Variants in SLC9A3 observed in about 807,000 individuals in gnomAD.
SLC9A3 encodes the protein sodium/hydrogen exchanger 3.
Under a neutral mutation model 86.8 loss-of-function variants are expected in SLC9A3, and 37 were observed. The ratio of observed to expected loss-of-function variants is 0.43; its 90% confidence interval spans 0.33 to 0.56. The LOEUF (loss-of-function observed/expected upper bound fraction) is 0.56. Among genes scored for constraint, SLC9A3 ranks in the 20% least tolerant of loss-of-function variants. The probability of loss-of-function intolerance (pLI) is 0.06; values close to 1 mark genes in which losing one functional copy is unlikely to be tolerated. For synonymous variants in SLC9A3, 581 were observed against 528.3 expected (o/e 1.10, Z -1.37); for missense variants, 1,011 against 1,171.9 (o/e 0.86, Z 2.00).
At chr5:477,608 C>G (rs1738835740) in intron 10 of SLC9A3, 164 bp from the exon 11 acceptor site, 1 of 551,802 alleles carries the variant, frequency 1.8e-6, no homozygotes, top group African/African-American at 1.9e-5. Flanking sequence ...GGTGGAAATG[C>G]CAAAACCAGG....
rs1433709499 is a variant in SLC9A3, at chr5:497,788, C to T, written c.212-5717G>A. On this transcript the variant is annotated intron_variant, in intron 1 of 16. Coordinates refer to ENST00000264938, the MANE Select transcript of SLC9A3 (RefSeq NM_004174.4). The surrounding 1 kb of genome is among the most constrained non-coding windows in gnomAD (Gnocchi z 5.4). ...TGGGGTCGCCCGGCCGCATCCCCAG[C>T]CTCTGCCCCTGTCCCGGGTGGGGTC... Among the ~76,000 whole-genome samples the T allele has an allele frequency of 0.018, 924 of 51,330 alleles. No individual in the cohort carries two copies. Among genetic ancestry groups the T allele is most frequent in the South Asian group, 0.034 (25 of 730 alleles). The allele number at this position is 51,330 out of a possible 152,430, so 33.7% of individuals were successfully genotyped here.
In SLC9A3 at chr5:491,752, C is replaced by T; in HGVS notation, c.514+17G>A. On this transcript the variant is annotated intron_variant, in intron 2 of 16. Coordinates refer to ENST00000264938, the MANE Select transcript of SLC9A3 (RefSeq NM_004174.4). This position sits in a 1 kb window ranked among gnomAD's most constrained non-coding sequence, Gnocchi z 9.2. Reference sequence around the variant, plus strand: ...CCCACCCTGATCCCGGCCGGGGCAACAGTGGCGCAGACTCACCCATGAGCC... The same window carrying T: ...CCCACCCTGATCCCGGCCGGGGCAATAGTGGCGCAGACTCACCCATGAGCC... 1 of 1,503,394 alleles carries T rather than the reference C, an allele frequency of 6.7e-7. No homozygotes were observed. The allele number at this position is 1,503,394 out of a possible 1,614,324, so 93.1% of individuals were successfully genotyped here.
chr5:485,249 A>G lies in SLC9A3; in HGVS notation c.676-18T>C. ...TACAGAACCTGCAGGGAAAACGGGC[A>G]GGGCGTTGGGTGGTCCTTGGTTAGT... On this transcript the variant is annotated intron_variant, in intron 3 of 16. Transcript: ENST00000264938. 1 of 1,606,912 alleles carries G rather than the reference A, an allele frequency of 6.2e-7. No homozygotes were observed. Among genetic ancestry groups the G allele is most frequent in the Non-Finnish European group, 8.5e-7 (1 of 1,177,166 alleles).
At position 481,625 on chromosome 5, in the gene SLC9A3, T is replaced by C. The variant is rs773714549; in HGVS notation, c.1457A>G (p.His486Arg). The C allele has an allele frequency of 6.2e-7, 1 of 1,613,954 alleles. No homozygotes were observed. Among genetic ancestry groups the C allele is most frequent in the South Asian group, 1.1e-5 (1 of 91,082 alleles). ...NEKLHGRAFD[H>R]ILSAIEDISG... ...TATGTCCTCGATGGCCGAGAGGATG[T>C]GGTCGAAAGCCTTTCAAGGGAAGAA... Residue 486 changes from histidine to arginine, a missense_variant, in exon 9 of 17, where the codon CAC becomes CGC. By Grantham distance (29) the His-to-Arg change is conservative (BLOSUM62 0). Around this residue, in one of 3 missense-constraint regions of SLC9A3, gnomAD observed 565 missense variants for 790.0 expected, o/e 0.72. Transcript: ENST00000264938.
intron 1 of SLC9A3, among the ~76,000 whole-genome samples, chr5:515,407 G>T (rs1371090796): frequency 6.6e-6 from 1 of 152,072 alleles, no homozygotes; most frequent in African/African-American, 2.4e-5. Flanking sequence ...ACGGCCCCAG[G>T]CTCCATCTCA....
In SLC9A3 at chr5:491,617, G is replaced by T. The variant is rs896559775; in HGVS notation, c.514+152C>A. 5 of 642,906 alleles carry T rather than the reference G, an allele frequency of 7.8e-6. No individual in the cohort carries two copies. The highest frequency in any genetic ancestry group is 1.3e-5 in the Non-Finnish European group (5 of 389,692). 39.8% of individuals were successfully genotyped at this position (642,906 alleles called of 1,614,324 possible). A position where few individuals can be genotyped will look rare whatever the true frequency, so the allele number is the denominator to read the frequency against. On this transcript the variant is annotated intron_variant, in intron 2 of 16. Transcript: ENST00000264938. This position sits in a 1 kb window ranked among gnomAD's most constrained non-coding sequence, Gnocchi z 9.2. ...CGCGCAGGGGACTGGCCTTGGTCAC[G>T]AGGGCCTACGGGGCTGCCAGCCACG...
chr5:476,858 G>T (rs1738776885), intron 11 of SLC9A3, among the ~76,000 whole-genome samples, 186 bp from the exon 12 acceptor site: 1 of 152,214 alleles, frequency 6.6e-6, no homozygotes, highest in African/African-American at 2.4e-5. Context: ...TCCCCTCGGG[G>T]CTTAGGCTGA....
chr5:472,917 G>C lies in SLC9A3; in HGVS notation c.*462C>G. The C allele has an allele frequency of 3.7e-6, 2 of 539,290 alleles. No individual in the cohort carries two copies. Among genetic ancestry groups the C allele is most frequent in the Non-Finnish European group, 6.7e-6 (2 of 298,946 alleles). The allele number at this position is 539,290 out of a possible 1,614,324, so 33.4% of individuals were successfully genotyped here. ...CGGTTTCCCGGCAGCGGTGGGAAAG[G>C]GCGCGAGCGGCCAGCCATGGCGCGC... On this transcript the variant is annotated 3_prime_UTR_variant, in exon 17 of 17. Coordinates refer to ENST00000264938, the MANE Select transcript of SLC9A3 (RefSeq NM_004174.4).
At chr5:483,927 G>T (rs1025427782) in intron 5 of SLC9A3, among the ~76,000 whole-genome samples, 4 of 152,276 alleles carry the variant, frequency 2.6e-5, no homozygotes, top group Non-Finnish European at 5.9e-5. Context: ...AAGGTCCCGC[G>T]CTAGGACAGA....
chr5:479,711 A>G (rs2126612528), intron 10 of SLC9A3, 125 bp downstream of exon 10: 1 of 940,010 alleles, frequency 1.1e-6, no homozygotes, highest in Non-Finnish European at 1.6e-6. Flanking sequence ...CCTCCCGTGA[A>G]CTGCTGGGGT....
At chr5:490,926 C>A (rs1219708307) in intron 2 of SLC9A3, among the ~76,000 whole-genome samples, 2 of 152,208 alleles carry the variant, frequency 1.3e-5, no homozygotes, top group Non-Finnish European at 2.9e-5. Context: ...GTGAGGCGGC[C>A]CCAACCCGGG....
Position 477,465 on chromosome 5 carries a change from G to T in SLC9A3, c.1648-21C>A, listed in dbSNP as rs759075632. Reference sequence around the variant, plus strand: ...TCTCCCTGTGGTCAGGAAGCAGCCCGGTCAGTGGCCTGAGCAGCCAAGCCC... The same window carrying T: ...TCTCCCTGTGGTCAGGAAGCAGCCCTGTCAGTGGCCTGAGCAGCCAAGCCC... On this transcript the variant is annotated intron_variant, in intron 10 of 16. Transcript: ENST00000264938. 5 of 1,577,684 alleles carry T rather than the reference G, an allele frequency of 3.2e-6. No individual in the cohort carries two copies. The East Asian group carries it at 1.1e-4, about 36-fold the overall frequency.
At chr5:514,084 C>T (rs933360031) in intron 1 of SLC9A3, among the ~76,000 whole-genome samples, 4 of 152,272 alleles carry the variant, frequency 2.6e-5, no homozygotes, top group African/African-American at 9.6e-5. Flanking sequence ...AGCCCCGGCT[C>T]GGGAGGGCAC....
intron 1 of SLC9A3, among the ~76,000 whole-genome samples, chr5:495,365 G>A (rs1472751867): frequency 7.3e-6 from 1 of 136,910 alleles, no homozygotes; most frequent in Non-Finnish European, 1.7e-5. Flanking sequence ...CTGTGCCCTG[G>A]GGACTCACAG....
chr5:515,690 G>A lies in SLC9A3; in HGVS notation c.211+8422C>T, dbSNP rs1047899719. ...GCTCCTGAAACACCCACACATTACC[G>A]CCTGCCACTCACAAACCCATGCACA... On this transcript the variant is annotated intron_variant, in intron 1 of 16. Coordinates refer to ENST00000264938, the MANE Select transcript of SLC9A3 (RefSeq NM_004174.4). 7.4e-4 allele frequency among the ~76,000 whole-genome samples: 105 copies of A among 142,288 alleles called. 1 individual carries two copies. Among genetic ancestry groups the A allele is most frequent in the African/African-American group, 2.7e-3 (101 of 37,950 alleles). 93.3% of individuals were successfully genotyped at this position (142,288 alleles called of 152,430 possible).
intron 1 of SLC9A3, among the ~76,000 whole-genome samples, chr5:500,703 G>A (rs1171379051): frequency 8.0e-6 from 1 of 124,542 alleles, no homozygotes; most frequent in East Asian, 3.0e-4. Context: ...GATGGGGCCA[G>A]TGTGGATGGG....
chr5:510,616 T>C (rs1470513438), intron 1 of SLC9A3, among the ~76,000 whole-genome samples: 1 of 152,208 alleles, frequency 6.6e-6, no homozygotes, highest in African/African-American at 2.4e-5. Context: ...ACATGCCCAG[T>C]GCATTTTCAG....
intron 2 of SLC9A3, among the ~76,000 whole-genome samples, chr5:489,264 G>A (rs989018831): frequency 7.2e-5 from 11 of 152,282 alleles, no homozygotes; most frequent in South Asian, 2.1e-4. Flanking sequence ...CTTCCCGGCC[G>A]TGAGGGTCCA....
At chr5:481,159 G>A (rs2126615297) in intron 9 of SLC9A3, among the ~76,000 whole-genome samples, 1 of 152,306 alleles carries the variant, frequency 6.6e-6, no homozygotes, top group South Asian at 2.1e-4. Context: ...CAAAGTGCTG[G>A]GATTACAGGC....
Sources: allele counts gnomAD v4.1 joint callset (sites outside exome capture counted in the v4.1 genomes callset), GRCh38; gene constraint gnomAD v4.1.1; regional missense constraint gnomAD v4.1.1; non-coding constraint Gnocchi (gnomAD v3.1); transcripts MANE v1.5; gene names NCBI Gene and HGNC (gene_info 2026-07-23, HGNC 2026-07-21).